RAP1GDS1: variants seen among roughly 807,000 people sequenced by gnomAD.
The protein encoded by RAP1GDS1 is Rap1 GTPase-GDP dissociation stimulator 1, also known as RAP1, GTP-GDP dissociation stimulator 1.
In RAP1GDS1, 35 loss-of-function variants were observed where a neutral mutation model predicts 71.1. The observed-to-expected ratio is 0.49, with a 90% confidence interval of 0.38 to 0.65. The LOEUF (loss-of-function observed/expected upper bound fraction) is 0.65. Ranked by LOEUF, RAP1GDS1 falls within the 30% of genes least tolerant of loss-of-function variation. The probability of loss-of-function intolerance (pLI) is 0.00; values close to 1 mark genes in which losing one functional copy is unlikely to be tolerated. For missense variants in RAP1GDS1, 663 were observed against 706.1 expected, an observed-to-expected ratio of 0.94 and a Z score of 0.69; for synonymous variants, 229 against 243.1, an observed-to-expected ratio of 0.94 and a Z score of 0.54.
At chr4:98,270,383 T>C (rs958819202) in intron 1 of RAP1GDS1, among the ~76,000 whole-genome samples, 1 of 152,194 alleles carries the variant, frequency 6.6e-6, no homozygotes, top group Non-Finnish European at 1.5e-5. Context: ...ATATAACCTC[T>C]ATATAACTTG....
chr4:98,356,315 G>T (rs1289796522), intron 4 of RAP1GDS1, among the ~76,000 whole-genome samples: 1 of 151,984 alleles, frequency 6.6e-6, no homozygotes, highest in Admixed American at 6.6e-5. Flanking sequence ...TGTCTTTGTG[G>T]CATTCCTCAT....
chr4:98,344,051 G>A (rs1407724821), intron 3 of RAP1GDS1, among the ~76,000 whole-genome samples: 2 of 152,106 alleles, frequency 1.3e-5, no homozygotes, highest in Non-Finnish European at 2.9e-5. Flanking sequence ...CATGGCAGGT[G>A]GCTTTGTAAA....
intron 2 of RAP1GDS1, among the ~76,000 whole-genome samples, chr4:98,327,467 A>G (rs1057457420): frequency 6.6e-6 from 1 of 152,170 alleles, no homozygotes; most frequent in Non-Finnish European, 1.5e-5. Context: ...GCCTTTGTGT[A>G]AGGTTGTAGT....
intron 2 of RAP1GDS1, among the ~76,000 whole-genome samples, chr4:98,332,137 T>C (rs566739575): frequency 1.3e-5 from 2 of 152,238 alleles, no homozygotes; most frequent in African/African-American, 2.4e-5. Context: ...CCCATTTAGA[T>C]AGCCTGGAAG....
chr4:98,263,787 G>T (rs938144862), intron 1 of RAP1GDS1, among the ~76,000 whole-genome samples: 27 of 152,216 alleles, frequency 1.8e-4, no homozygotes, highest in Admixed American at 3.3e-4. Flanking sequence ...AAACATTTGG[G>T]TTGGTACATA....
intron 4 of RAP1GDS1, among the ~76,000 whole-genome samples, chr4:98,371,538 G>A (rs920779758): frequency 5.9e-5 from 9 of 151,852 alleles, no homozygotes; most frequent in African/African-American, 2.2e-4. Flanking sequence ...GTGCAGTGGT[G>A]CGATCTTGGC....
At chr4:98,423,188 T>G (rs1458506082) in intron 12 of RAP1GDS1, among the ~76,000 whole-genome samples, 3 of 152,168 alleles carry the variant, frequency 2.0e-5, no homozygotes, top group African/African-American at 7.2e-5. Context: ...TAATCTGGGA[T>G]GGTGCCATAG....
chr4:98,370,403 A>G (rs1208795366), intron 4 of RAP1GDS1, among the ~76,000 whole-genome samples: 1 of 152,164 alleles, frequency 6.6e-6, no homozygotes, highest in African/African-American at 2.4e-5. Context: ...ATTTATAGAT[A>G]TTAGGTGAAT....
intron 1 of RAP1GDS1, 175 bp downstream of exon 1, chr4:98,261,744 G>T (rs1022254511): frequency 2.3e-6 from 2 of 866,136 alleles, no homozygotes; most frequent in African/African-American, 1.8e-5. Flanking sequence ...CGGGTGCCGG[G>T]GCTGGGAGGG....
chr4:98,271,857 TTAAA>T (rs1723507809), intron 1 of RAP1GDS1, among the ~76,000 whole-genome samples: 1 of 152,174 alleles, frequency 6.6e-6, no homozygotes, highest in South Asian at 2.1e-4. Flanking sequence ...AATCAAAGAA[TTAAA>T]TAATTTATCC....
intron 4 of RAP1GDS1, among the ~76,000 whole-genome samples, chr4:98,353,210 C>T (rs1326764498): frequency 6.6e-6 from 1 of 152,160 alleles, no homozygotes; most frequent in Non-Finnish European, 1.5e-5. Context: ...CCCCTTTCTA[C>T]ATATAAACAA....
chr4:98,326,756 A>G (rs1733158686), intron 2 of RAP1GDS1, among the ~76,000 whole-genome samples: 1 of 152,208 alleles, frequency 6.6e-6, no homozygotes, highest in African/African-American at 2.4e-5. Context: ...ACTAGGTTAC[A>G]GGATTCATTA....
intron 2 of RAP1GDS1, among the ~76,000 whole-genome samples, chr4:98,312,764 C>CG (rs934991819): frequency 1.3e-5 from 2 of 148,516 alleles, no homozygotes; most frequent in East Asian, 3.9e-4. Flanking sequence ...TAGGTATGGG[C>CG]GGGGGGAGAG....
At chr4:98,360,754 T>C (rs973678092) in intron 4 of RAP1GDS1, among the ~76,000 whole-genome samples, 36 of 152,022 alleles carry the variant, frequency 2.4e-4, no homozygotes, top group Admixed American at 1.2e-3. Flanking sequence ...TGAGGAAATA[T>C]GAAAAATAAA....
Position 98,442,219 on chromosome 4 carries a change from A to G in RAP1GDS1, c.*102A>G. The G allele has an allele frequency of 1.3e-6, 2 of 1,489,892 alleles. No homozygotes were observed. The highest frequency in any genetic ancestry group is 2.0e-5 in the Admixed American group (1 of 50,826). The allele number at this position is 1,489,892 out of a possible 1,614,324, so 92.3% of individuals were successfully genotyped here. On this transcript the variant is annotated 3_prime_UTR_variant, in exon 15 of 15. Transcript: ENST00000408927. The stretch of plus-strand genomic sequence containing the variant: ...TCTCTACCATACCACTTGTGCATGC[A>G]TGTGATGTTCTAATACCAATTGAAG...
chr4:98,342,924 T>C (rs553423450), intron 2 of RAP1GDS1, among the ~76,000 whole-genome samples: 1 of 152,070 alleles, frequency 6.6e-6, no homozygotes, highest in Admixed American at 6.6e-5. Flanking sequence ...AAACAAAATA[T>C]TATATTATCA....
chr4:98,383,832 C>T (rs1711973522), intron 5 of RAP1GDS1, among the ~76,000 whole-genome samples: 1 of 151,504 alleles, frequency 6.6e-6, no homozygotes. Context: ...GCCTGAGCTG[C>T]ATGTTTATCC....
chr4:98,302,617 C>A (rs1224061862), intron 2 of RAP1GDS1, among the ~76,000 whole-genome samples: 2 of 151,854 alleles, frequency 1.3e-5, no homozygotes, highest in Non-Finnish European at 2.9e-5. Context: ...TTGAAAGGGC[C>A]CACCATATAC....
At chr4:98,389,302 T>G (rs887529024) in intron 5 of RAP1GDS1, among the ~76,000 whole-genome samples, 2 of 140,470 alleles carry the variant, frequency 1.4e-5, no homozygotes, top group Non-Finnish European at 3.0e-5. Flanking sequence ...TAAAAGTGTG[T>G]TTTTTTTTTC....
Sources: allele counts gnomAD v4.1 joint callset (sites outside exome capture counted in the v4.1 genomes callset), GRCh38; gene constraint gnomAD v4.1.1; transcripts MANE v1.5; gene names NCBI Gene and HGNC (gene_info 2026-07-23, HGNC 2026-07-21).